Variants in ZBTB20 observed in about 807,000 individuals in gnomAD.
The protein encoded by ZBTB20 is zinc finger and BTB domain containing 20, also known as zinc finger and BTB domain-containing protein 20.
Under a neutral mutation model 56.9 loss-of-function variants are expected in ZBTB20, and 9 were observed. The observed-to-expected ratio is 0.16, with a 90% confidence interval of 0.10 to 0.28. The LOEUF is 0.28. Ranked by LOEUF, ZBTB20 falls within the 10% of genes least tolerant of loss-of-function variation. The pLI, the probability that ZBTB20 is intolerant of heterozygous loss-of-function variation, is 1.00. For missense variants in ZBTB20, 655 were observed against 1,003.0 expected (o/e 0.65, Z 4.69); for synonymous variants, 417 against 420.7 (o/e 0.99, Z 0.11).
At chr3:115,089,599 A>C (rs926687436) in intron 1 of ZBTB20, among the ~76,000 whole-genome samples, 4 of 151,890 alleles carry the variant, frequency 2.6e-5, no homozygotes, top group African/African-American at 9.7e-5. Context: ...GTAAAGATTT[A>C]CTGAATGAGG....
intron 6 of ZBTB20, among the ~76,000 whole-genome samples, chr3:114,519,378 T>C (rs1020710093): frequency 2.6e-5 from 4 of 152,252 alleles, no homozygotes; most frequent in South Asian, 4.1e-4. Flanking sequence ...TATCCATGTC[T>C]GCTCAGGATC....
At chr3:114,356,124 T>C (rs1317539889) in intron 10 of ZBTB20, 1 of 152,168 alleles carries the variant, frequency 6.6e-6, no homozygotes, top group Non-Finnish European at 1.5e-5. Flanking sequence ...ATGAAAGTCA[T>C]CATGTATTCT....
chr3:114,355,405 G>C (rs1354327992), intron 10 of ZBTB20, among the ~76,000 whole-genome samples: 2 of 152,044 alleles, frequency 1.3e-5, no homozygotes, highest in Non-Finnish European at 2.9e-5. Flanking sequence ...ATCTCCCTGA[G>C]TACACTGGCC....
intron 3 of ZBTB20, among the ~76,000 whole-genome samples, chr3:114,902,721 T>C (rs1226508011): frequency 1.3e-5 from 2 of 152,178 alleles, no homozygotes; most frequent in African/African-American, 2.4e-5. Flanking sequence ...ATGTGTAAGA[T>C]TGTCTCAGTT....
chr3:114,918,188 T>G (rs2075822139), intron 3 of ZBTB20, among the ~76,000 whole-genome samples: 1 of 152,056 alleles, frequency 6.6e-6, no homozygotes, highest in Non-Finnish European at 1.5e-5. Flanking sequence ...CAATGTTCAT[T>G]CAAGACCCAA....
chr3:114,932,453 C>T (rs939158160), intron 3 of ZBTB20, among the ~76,000 whole-genome samples: 4 of 152,226 alleles, frequency 2.6e-5, no homozygotes, highest in East Asian at 1.9e-4. Flanking sequence ...CCCTGCCAAA[C>T]TTATCATATA....
At chr3:114,844,330 AATATATATATATATATATATATAT>A (rs71146341) in intron 4 of ZBTB20, among the ~76,000 whole-genome samples, 9 of 99,298 alleles carry the variant, frequency 9.1e-5, no homozygotes, top group African/African-American at 4.2e-4. Flanking sequence ...TACTGGAGTA[AATATATATATATATATATATATAT>A]ATATATATAT....
At chr3:114,607,745 T>A (rs774576012) in intron 6 of ZBTB20, among the ~76,000 whole-genome samples, 2 of 152,216 alleles carry the variant, frequency 1.3e-5, no homozygotes, top group Non-Finnish European at 2.9e-5. Flanking sequence ...AAAGAGTTGA[T>A]TATCTTAGAC....
chr3:114,818,816 G>C (rs2073089383), intron 4 of ZBTB20, among the ~76,000 whole-genome samples: 2 of 151,648 alleles, frequency 1.3e-5, no homozygotes, highest in Non-Finnish European at 1.5e-5. Context: ...TAACTGTTTT[G>C]GAAATTATAG....
intron 6 of ZBTB20, among the ~76,000 whole-genome samples, chr3:114,592,335 T>C (rs1040543520): frequency 3.3e-5 from 5 of 152,340 alleles, no homozygotes; most frequent in Admixed American, 6.5e-5. Context: ...GAAGATAATA[T>C]ATTATCAAGG....
intron 1 of ZBTB20, among the ~76,000 whole-genome samples, chr3:115,143,778 G>C (rs190995016): frequency 7.2e-4 from 110 of 152,192 alleles, no homozygotes; most frequent in African/African-American, 2.3e-3. Context: ...AATATATGGA[G>C]AAAGTTTCAT....
At position 114,787,368 on chromosome 3, in the gene ZBTB20, T is replaced by TATACACATAC. The variant is rs1433434685; in HGVS notation, c.-343+13732_-343+13733insGTATGTGTAT. The stretch of plus-strand genomic sequence containing the variant: ...ATATATATATATATATATATATATA[T>TATACACATAC]ACACACACACACACACACACACACA... On this transcript the variant is annotated intron_variant, in intron 5 of 11. Coordinates refer to ENST00000675478, the MANE Select transcript of ZBTB20 (RefSeq NM_001348800.3). 4.7e-3 allele frequency among the ~76,000 whole-genome samples: 495 copies of TATACACATAC among 106,286 alleles called. 18 individuals are homozygous for TATACACATAC. Among genetic ancestry groups the TATACACATAC allele is most frequent in the African/African-American group, 0.02 (449 of 22,030 alleles). The allele number at this position is 106,286 out of a possible 152,430, so 69.7% of individuals were successfully genotyped here. A position where few individuals can be genotyped will look rare whatever the true frequency, so the allele number is the denominator to read the frequency against.
intron 5 of ZBTB20, among the ~76,000 whole-genome samples, chr3:114,719,565 C>T (rs1400757534): frequency 1.3e-5 from 2 of 151,972 alleles, no homozygotes; most frequent in East Asian, 1.9e-4. Flanking sequence ...TTAGGGGCAC[C>T]GATTGCAAGT....
rs1055701291 is a variant in ZBTB20, at chr3:114,317,302, G to T, written c.*21703C>A. 2 of 152,142 alleles carry T rather than the reference G, an allele frequency of 1.3e-5. No individual in the cohort carries two copies. Among genetic ancestry groups the T allele is most frequent in the East Asian group, 3.8e-4 (2 of 5,202 alleles). 9.4% of individuals were successfully genotyped at this position (152,142 alleles called of 1,614,324 possible). ...CTAAAGTGTGTCAAATACAGTCTCT[G>T]AAAGGAACTCGAGGCCCTTCAGCAC... On this transcript the variant is annotated 3_prime_UTR_variant, in exon 12 of 12. Transcript: ENST00000675478.
At chr3:114,665,839 G>A (rs2061021655) in intron 6 of ZBTB20, among the ~76,000 whole-genome samples, 1 of 152,050 alleles carries the variant, frequency 6.6e-6, no homozygotes, top group Non-Finnish European at 1.5e-5. Flanking sequence ...ATTTCTTAGT[G>A]ACTGACTGCC....
At position 114,577,161 on chromosome 3, in the gene ZBTB20, A is replaced by G. The variant is rs560027466; in HGVS notation, c.-294-76770T>C. Among the ~76,000 whole-genome samples the G allele has an allele frequency of 1.1e-4, 17 of 152,300 alleles. No individual in the cohort carries two copies. The East Asian group carries it at 3.1e-3, about 28-fold the overall frequency. On this transcript the variant is annotated intron_variant, in intron 6 of 11. Coordinates refer to ENST00000675478, the MANE Select transcript of ZBTB20 (RefSeq NM_001348800.3). ...ACGTAGAAAGGATTGGGAAAAAATAATATGTAATGCTTAGTGACCAGCACA... is the reference window on the plus strand; with the variant it reads ...ACGTAGAAAGGATTGGGAAAAAATAGTATGTAATGCTTAGTGACCAGCACA...
At chr3:114,638,515 T>A (rs2059395455) in intron 6 of ZBTB20, among the ~76,000 whole-genome samples, 2 of 152,070 alleles carry the variant, frequency 1.3e-5, no homozygotes, top group East Asian at 3.8e-4. Flanking sequence ...AATAGTAACA[T>A]TCATAATTTG....
intron 6 of ZBTB20, among the ~76,000 whole-genome samples, chr3:114,537,744 C>G (rs1034202606): frequency 6.6e-6 from 1 of 152,100 alleles, no homozygotes; most frequent in Non-Finnish European, 1.5e-5. Context: ...GCCAAATGCC[C>G]ATCAATGATA....
chr3:114,498,475 G>A (rs961689267), intron 7 of ZBTB20, among the ~76,000 whole-genome samples: 6 of 151,982 alleles, frequency 3.9e-5, no homozygotes, highest in African/African-American at 1.2e-4. Flanking sequence ...TCCTTTTGTC[G>A]AGCCTCTGGG....
Sources: allele counts gnomAD v4.1 joint callset (sites outside exome capture counted in the v4.1 genomes callset), GRCh38; gene constraint gnomAD v4.1.1; transcripts MANE v1.5; gene names NCBI Gene and HGNC (gene_info 2026-07-23, HGNC 2026-07-21).